Variants in GABBR2 observed in about 807,000 individuals in gnomAD.
GABBR2 encodes the protein gamma-aminobutyric acid type B receptor subunit 2, also known as G-protein coupled receptor 51.
A neutral mutation model predicts 105.6 loss-of-function variants in GABBR2; 23 were observed. That is an observed-to-expected ratio of 0.22 (90% CI 0.16 to 0.31). The LOEUF is 0.31. Ranked by LOEUF, GABBR2 falls within the 10% of genes least tolerant of loss-of-function variation. GABBR2 has a pLI of 1.00. For missense variants in GABBR2, 734 were observed against 1,245.5 expected (o/e 0.59, Z 6.18); for synonymous variants, 478 against 499.7 (o/e 0.96, Z 0.58).
intron 13 of GABBR2, among the ~76,000 whole-genome samples, chr9:98,335,242 G>T (rs1020576412): frequency 2.0e-5 from 3 of 152,110 alleles, no homozygotes; most frequent in African/African-American, 4.8e-5. Flanking sequence ...GCTCTTTGGG[G>T]TCTGCACACA....
chr9:98,376,117 A>G (rs1372895366), intron 11 of GABBR2, among the ~76,000 whole-genome samples: 1 of 152,212 alleles, frequency 6.6e-6, no homozygotes, highest in African/African-American at 2.4e-5. Flanking sequence ...TGCCCATCTC[A>G]GTCCCAGCTA....
At chr9:98,535,339 G>A (rs1196387855) in intron 3 of GABBR2, among the ~76,000 whole-genome samples, 3 of 151,986 alleles carry the variant, frequency 2.0e-5, no homozygotes, top group African/African-American at 7.3e-5. Flanking sequence ...GACCTCAGGT[G>A]ATCTGCCCAC....
chr9:98,416,955 C>T (rs1241964913), intron 7 of GABBR2, among the ~76,000 whole-genome samples: 1 of 152,192 alleles, frequency 6.6e-6, no homozygotes, highest in Non-Finnish European at 1.5e-5. Context: ...CCTCCAAGCA[C>T]AAGCCTCCTA....
intron 3 of GABBR2, among the ~76,000 whole-genome samples, chr9:98,510,272 A>T (rs995006700): frequency 4.6e-5 from 7 of 152,238 alleles, no homozygotes; most frequent in African/African-American, 1.7e-4. Flanking sequence ...TGAAGGAAGC[A>T]CTAAACATGG....
At chr9:98,602,612 C>T (rs1001025063) in intron 1 of GABBR2, among the ~76,000 whole-genome samples, 3 of 152,242 alleles carry the variant, frequency 2.0e-5, no homozygotes, top group Admixed American at 6.5e-5. Flanking sequence ...ATTTTAATAT[C>T]GCTCAGGAAG....
intron 5 of GABBR2, among the ~76,000 whole-genome samples, chr9:98,477,749 T>C (rs564840047): frequency 3.9e-5 from 6 of 152,342 alleles, no homozygotes; most frequent in Admixed American, 3.9e-4. Context: ...CCACTCCCCA[T>C]GCAAGAAAGA....
intron 13 of GABBR2, among the ~76,000 whole-genome samples, chr9:98,312,255 T>C (rs1830647177): frequency 6.6e-6 from 1 of 152,270 alleles, no homozygotes; most frequent in Non-Finnish European, 1.5e-5. Context: ...ATTATTGCAC[T>C]TACGTGTCTT....
intron 1 of GABBR2, among the ~76,000 whole-genome samples, chr9:98,705,945 A>G (rs1203934282): frequency 6.6e-6 from 1 of 152,036 alleles, no homozygotes; most frequent in Non-Finnish European, 1.5e-5. Flanking sequence ...GCATGGTGGC[A>G]CATGCCTGTA....
intron 2 of GABBR2, among the ~76,000 whole-genome samples, chr9:98,569,675 C>T (rs553717333): frequency 6.6e-6 from 1 of 152,306 alleles, no homozygotes; most frequent in South Asian, 2.1e-4. Context: ...AGCCCAGTGT[C>T]GCTGTTACTG....
At chr9:98,300,958 G>C (rs1830459629) in intron 16 of GABBR2, among the ~76,000 whole-genome samples, 1 of 152,204 alleles carries the variant, frequency 6.6e-6, no homozygotes, top group Non-Finnish European at 1.5e-5. Flanking sequence ...AAAGAACAGG[G>C]TATGAAGATC....
At chr9:98,323,133 T>C (rs1170378973) in intron 13 of GABBR2, among the ~76,000 whole-genome samples, 1 of 152,170 alleles carries the variant, frequency 6.6e-6, no homozygotes, top group Admixed American at 6.5e-5. Flanking sequence ...AACTGTGACT[T>C]GAACCCAGGT....
intron 1 of GABBR2, among the ~76,000 whole-genome samples, chr9:98,642,368 T>G (rs746981949): frequency 6.6e-6 from 1 of 152,202 alleles, no homozygotes; most frequent in Admixed American, 6.5e-5. Context: ...CAGCTGGACA[T>G]TGGCAACAGA....
At chr9:98,410,695 G>A (rs1281530315) in intron 7 of GABBR2, among the ~76,000 whole-genome samples, 2 of 151,708 alleles carry the variant, frequency 1.3e-5, no homozygotes, top group Non-Finnish European at 2.9e-5. Flanking sequence ...AGGAGCCTCG[G>A]AGGCCTGTCT....
Position 98,290,364 on chromosome 9 carries a change from C to G in GABBR2, c.*220G>C, listed in dbSNP as rs1453808818. On this transcript the variant is annotated 3_prime_UTR_variant, in exon 19 of 19. Coordinates refer to ENST00000259455, the MANE Select transcript of GABBR2 (RefSeq NM_005458.8). ...AAGACGTCCCATTTCCGTTCCTCTT[C>G]TTTGTGAAGAAATAAGGACTTCACA... 5.1e-6 allele frequency: 1 copy of G among 196,056 alleles called. No homozygotes were observed. 12.1% of individuals were successfully genotyped at this position (196,056 alleles called of 1,614,324 possible).
chr9:98,467,259 G>A (rs866847791), intron 6 of GABBR2, among the ~76,000 whole-genome samples: 1 of 152,190 alleles, frequency 6.6e-6, no homozygotes, highest in African/African-American at 2.4e-5. Flanking sequence ...AGGTATGGAT[G>A]TTGGTATAGA....
chr9:98,422,641 A>G (rs1832803682), intron 7 of GABBR2, among the ~76,000 whole-genome samples: 1 of 152,040 alleles, frequency 6.6e-6, no homozygotes, highest in Admixed American at 6.6e-5. Context: ...TTAAAGTTTT[A>G]GGGTACATGT....
At chr9:98,673,518 T>C (rs958471948) in intron 1 of GABBR2, among the ~76,000 whole-genome samples, 1 of 151,910 alleles carries the variant, frequency 6.6e-6, no homozygotes, top group African/African-American at 2.4e-5. Flanking sequence ...AAAATTATTA[T>C]ACTTTATAAG....
At chr9:98,704,819 A>G (rs1830873812) in intron 1 of GABBR2, among the ~76,000 whole-genome samples, 1 of 152,158 alleles carries the variant, frequency 6.6e-6, no homozygotes, top group African/African-American at 2.4e-5. Context: ...TGTGGCTAGA[A>G]TAAGAAACAA....
At chr9:98,590,513 C>A (rs1279818288) in intron 1 of GABBR2, among the ~76,000 whole-genome samples, 2 of 152,260 alleles carry the variant, frequency 1.3e-5, no homozygotes, top group Non-Finnish European at 2.9e-5. Context: ...TGTCAGTAAG[C>A]CTCCCCACAT....
Sources: gnomAD v4.1 joint callset for allele counts (sites outside exome capture counted in the v4.1 genomes callset) on GRCh38, gnomAD v4.1.1 for gene constraint, MANE v1.5 for transcripts, NCBI Gene and HGNC (gene_info 2026-07-23, HGNC 2026-07-21) for gene names.